Variants in PLXNA2 observed in about 807,000 individuals in gnomAD.
PLXNA2 encodes the protein plexin-A2.
In PLXNA2, 91 loss-of-function variants were observed where a neutral mutation model predicts 193.5. The observed-to-expected ratio is 0.47, with a 90% CI of 0.40 to 0.56. The LOEUF (loss-of-function observed/expected upper bound fraction) is 0.56, where lower values mean the gene tolerates loss of function less well. Ranked by LOEUF, PLXNA2 falls within the 20% of genes least tolerant of loss-of-function variation. PLXNA2 has a pLI of 0.00. For missense variants in PLXNA2, 1,995 were observed against 2,503.2 expected (o/e 0.80, Z 4.33); for synonymous variants, 997 against 1,027.3 (o/e 0.97, Z 0.56).
At position 208,028,838 on chromosome 1, in the gene PLXNA2, C is replaced by T. The variant is rs1314610914; in HGVS notation, c.5430G>A (p.Trp1810Ter). The change falls in exon 30 of 32, where the codon TGG (tryptophan) becomes TGA (stop). Residue 1810 changes from tryptophan (W) to a stop codon, truncating the protein, a stop_gained. Transcript: ENST00000367033. LOFTEE classifies it high-confidence loss of function. This position sits in a 1 kb window ranked among gnomAD's most constrained non-coding sequence, Gnocchi z 4.2. ...CTGAGGGTGCTACTGACCTCTCCACCCAGCTCTTGTAGCTGGGGATGTCCT... is the reference window on the plus strand; with the variant it reads ...CTGAGGGTGCTACTGACCTCTCCACTCAGCTCTTGTAGCTGGGGATGTCCT... ...YAKDIPSYKS[W>*]VERYYADIAK... 3 of 1,613,712 alleles carry T rather than the reference C, an allele frequency of 1.9e-6. No homozygotes were observed. The highest frequency in any genetic ancestry group is 1.3e-5 in the African/African-American group (1 of 74,872).
chr1:208,107,783 G>A (rs1403047382), intron 4 of PLXNA2, among the ~76,000 whole-genome samples: 1 of 152,062 alleles, frequency 6.6e-6, no homozygotes, highest in African/African-American at 2.4e-5. Context: ...GCTGGGATCT[G>A]GGGGTGGCTG....
chr1:208,038,593 T>A lies in PLXNA2; in HGVS notation c.4661-119A>T. 1.2e-6 allele frequency: 1 copy of A among 860,680 alleles called. No homozygotes were observed. The highest frequency in any genetic ancestry group is 2.0e-5 in the Admixed American group (1 of 50,724). 53.3% of individuals were successfully genotyped at this position (860,680 alleles called of 1,614,324 possible). ...CCCGGCCCCCTCAAGCTGGTACCAA[T>A]AACAGAGGCTAGAGACATCTAGGGC... On this transcript the variant is annotated intron_variant, in intron 25 of 31. Transcript: ENST00000367033. The surrounding 1 kb of genome is among the most constrained non-coding windows in gnomAD (Gnocchi z 4.1).
At chr1:208,135,577 C>G (rs1668276624) in intron 4 of PLXNA2, among the ~76,000 whole-genome samples, 2 of 152,180 alleles carry the variant, frequency 1.3e-5, no homozygotes, top group African/African-American at 4.8e-5. Context: ...CAACCTTCAG[C>G]AAATCAACAG....
At chr1:208,050,312 C>T (rs75684253) in intron 17 of PLXNA2, among the ~76,000 whole-genome samples, 2,003 of 152,330 alleles carry the variant, frequency 0.013, 20 homozygotes, top group Admixed American at 0.022. Flanking sequence ...CTTGACCATG[C>T]TTGTACAGCT....
At chr1:208,200,322 C>T (rs1226892502) in intron 3 of PLXNA2, among the ~76,000 whole-genome samples, 1 of 152,174 alleles carries the variant, frequency 6.6e-6, no homozygotes, top group African/African-American at 2.4e-5. Flanking sequence ...GTATTTCCTG[C>T]CTCCCTGGAC....
intron 3 of PLXNA2, among the ~76,000 whole-genome samples, chr1:208,150,400 T>A (rs906186486): frequency 6.6e-6 from 1 of 152,114 alleles, no homozygotes; most frequent in African/African-American, 2.4e-5. Context: ...GTCCTGGATT[T>A]CAGGGGGCCA....
intron 1 of PLXNA2, among the ~76,000 whole-genome samples, chr1:208,238,896 A>T (rs1671952687): frequency 6.6e-6 from 1 of 152,198 alleles, no homozygotes; most frequent in Non-Finnish European, 1.5e-5. Context: ...GCCAGCCAGC[A>T]GATTGGACTC....
At chr1:208,213,469 TG>T (rs1360164037) in intron 2 of PLXNA2, among the ~76,000 whole-genome samples, 1 of 152,176 alleles carries the variant, frequency 6.6e-6, no homozygotes, top group Non-Finnish European at 1.5e-5. Context: ...ATCTGTAAAA[TG>T]GGGAAGATAA....
intron 12 of PLXNA2, among the ~76,000 whole-genome samples, chr1:208,072,322 A>G (rs1666001948): frequency 6.6e-6 from 1 of 152,244 alleles, no homozygotes; most frequent in Non-Finnish European, 1.5e-5. Context: ...CCTGGCATCA[A>G]TGTGGCCTTA....
At chr1:208,120,009 G>A (rs760079929) in intron 4 of PLXNA2, among the ~76,000 whole-genome samples, 9 of 152,164 alleles carry the variant, frequency 5.9e-5, no homozygotes, top group African/African-American at 9.7e-5. Flanking sequence ...CCCCTGAGGC[G>A]CCTGGCTGAG....
At chr1:208,089,433 G>A (rs913050311) in intron 9 of PLXNA2, among the ~76,000 whole-genome samples, 83 of 152,262 alleles carry the variant, frequency 5.5e-4, no homozygotes, top group African/African-American at 1.5e-3. Flanking sequence ...GCAAAAACCC[G>A]AAATTTTTAG....
chr1:208,070,272 T>C (rs1306628401), intron 12 of PLXNA2, among the ~76,000 whole-genome samples: 2 of 152,208 alleles, frequency 1.3e-5, no homozygotes, highest in Admixed American at 6.5e-5. Context: ...GCCTTGCTGC[T>C]TTCCAAGGAG....
chr1:208,072,156 G>A (rs1032211180), intron 12 of PLXNA2, among the ~76,000 whole-genome samples: 10 of 152,144 alleles, frequency 6.6e-5, no homozygotes, highest in African/African-American at 1.4e-4. Flanking sequence ...TCAGTTACAC[G>A]TACCTAAGAT....
chr1:208,094,337 A>G (rs1430641827), intron 8 of PLXNA2, among the ~76,000 whole-genome samples: 1 of 152,194 alleles, frequency 6.6e-6, no homozygotes, highest in Admixed American at 6.5e-5. Context: ...GGAGGGGACT[A>G]TACTTGATTC....
chr1:208,152,417 G>A (rs1481652483), intron 3 of PLXNA2, among the ~76,000 whole-genome samples: 1 of 152,100 alleles, frequency 6.6e-6, no homozygotes, highest in Non-Finnish European at 1.5e-5. Flanking sequence ...CTGGGCTACT[G>A]CAATAACCTG....
chr1:208,167,464 G>C (rs1462283951), intron 3 of PLXNA2, among the ~76,000 whole-genome samples: 1 of 152,178 alleles, frequency 6.6e-6, no homozygotes, highest in African/African-American at 2.4e-5. Flanking sequence ...CCAGTGCTGG[G>C]ATGCGTATTT....
intron 3 of PLXNA2, among the ~76,000 whole-genome samples, chr1:208,188,642 G>C (rs1670079980): frequency 6.6e-6 from 1 of 151,306 alleles, no homozygotes; most frequent in South Asian, 2.1e-4. Context: ...CTGGGAGGCG[G>C]AGGTTGCAGT....
Position 208,043,010 on chromosome 1 carries a change from C to T in PLXNA2, c.4017+51G>A, listed in dbSNP as rs755813551. The T allele has an allele frequency of 3.8e-6, 6 of 1,597,638 alleles. No homozygotes were observed. The Admixed American group carries it at 8.4e-5, about 22-fold the overall frequency. On this transcript the variant is annotated intron_variant, in intron 21 of 31. Transcript: ENST00000367033. ...AGTCTCATCTGGATTTCCTAGGATA[C>T]CCTGGGCCTGCATCCCTGCTGGGTG... is the stretch of plus-strand genomic sequence containing the variant.
intron 1 of PLXNA2, among the ~76,000 whole-genome samples, chr1:208,231,519 C>T (rs753380277): frequency 6.6e-5 from 10 of 152,136 alleles, no homozygotes; most frequent in Non-Finnish European, 1.5e-4. Context: ...GGTGTGAGCA[C>T]GTCTGTCTGC....
Sources: gnomAD v4.1 joint callset for allele counts (sites outside exome capture counted in the v4.1 genomes callset) on GRCh38, gnomAD v4.1.1 for gene constraint, Gnocchi (gnomAD v3.1) non-coding constraint, MANE v1.5 for transcripts, NCBI Gene and HGNC (gene_info 2026-07-23, HGNC 2026-07-21) for gene names.